The following KLF8 variants were observed in gnomAD, a reference collection of about 807,000 sequenced individuals.
The protein encoded by KLF8 is KLF transcription factor 8, also known as Krueppel-like factor 8.
Under a neutral mutation model 18.2 loss-of-function variants are expected in KLF8, and 10 were observed. The observed-to-expected ratio is 0.55, with a 90% confidence interval of 0.34 to 0.93. The LOEUF (loss-of-function observed/expected upper bound fraction) is 0.93. Among genes scored for constraint, KLF8 ranks in the 40% least tolerant of loss-of-function variants. The pLI is 0.02. For synonymous variants in KLF8, 109 were observed against 97.3 expected, an observed-to-expected ratio of 1.12 and a Z score of -0.71; for missense variants, 264 against 277.9, an observed-to-expected ratio of 0.95 and a Z score of 0.36.
At chrX:56,228,099 A>G, upstream of KLF8, among the ~76,000 whole-genome samples, 1 of 112,213 alleles carries the variant, frequency 8.9e-6, no homozygotes, top group Non-Finnish European at 1.9e-5. Context: ...GAATGTCTCA[A>G]GCAAGCAGTT....
At chrX:56,135,965 CAG>C in the KLF8 span, among the ~76,000 whole-genome samples, 1 of 111,492 alleles carries the variant, frequency 9.0e-6, no homozygotes, top group African/African-American at 3.3e-5. Flanking sequence ...GAAAAACAAA[CAG>C]AGAGCCAAAT....
At chrX:56,083,407 G>T in the KLF8 span, among the ~76,000 whole-genome samples, 1 of 111,692 alleles carries the variant, frequency 9.0e-6, no homozygotes, top group African/African-American at 3.3e-5. Context: ...CCAAAATATT[G>T]TGCTAGCATT....
chrX:55,987,883 G>A, the KLF8 span, among the ~76,000 whole-genome samples: 4 of 111,453 alleles, frequency 3.6e-5, no homozygotes, highest in Non-Finnish European at 5.7e-5. Context: ...ACTTTTTAAC[G>A]ATCGCCATTC....
At position 56,265,480 on chromosome X, in the gene KLF8, G is replaced by A; in HGVS notation, c.382G>A (p.Asp128Asn). 1 of 1,211,911 alleles carries A rather than the reference G, an allele frequency of 8.3e-7. No homozygotes were observed. The highest frequency in any genetic ancestry group is 1.1e-6 in the Non-Finnish European group (1 of 895,545). The change falls in exon 3 of 6, where the codon GAC becomes AAC. Residue 128 changes from aspartate to asparagine, a missense_variant. Asp to Asn is a conservative substitution (Grantham distance 23). Transcript: ENST00000468660. ...QTLVVSTSTS[D>N]MSTSANIPTV... ...CCTTGTGGTGTCCACGTCAACATCT[G>A]ACATGAGCACTTCAGCAAACATTCC...
the KLF8 span, among the ~76,000 whole-genome samples, chrX:56,003,483 C>T: frequency 9.2e-6 from 1 of 109,070 alleles, no homozygotes; most frequent in Non-Finnish European, 1.9e-5. Flanking sequence ...CATTGGGAAG[C>T]TTTTGAAGGA....
At position 56,270,371 on chromosome X, in the gene KLF8, C is replaced by CG. The variant is rs776914698; in HGVS notation, c.898+50_898+51insG. On this transcript the variant is annotated intron_variant, in intron 5 of 5. Coordinates refer to ENST00000468660, the MANE Select transcript of KLF8 (RefSeq NM_007250.5). ...CAACACACACACACACACACACACACACACACACACGAGAGAGAGAGAGAG... is the reference window on the plus strand; with the variant it reads ...CAACACACACACACACACACACACACGACACACACACGAGAGAGAGAGAGAG... 57 of 1,051,842 alleles carry CG rather than the reference C, an allele frequency of 5.4e-5. No individual in the cohort carries two copies. In the Middle Eastern group the frequency reaches 1.1e-3, roughly 20 times the overall value. 86.7% of individuals were successfully genotyped at this position (1,051,842 alleles called of 1,213,427 possible).
the KLF8 span, among the ~76,000 whole-genome samples, chrX:56,118,371 A>G: frequency 8.9e-6 from 1 of 111,893 alleles, no homozygotes; most frequent in Non-Finnish European, 1.9e-5. Flanking sequence ...CCATTAGGCC[A>G]TAAACAACTC....
At chrX:56,033,726 T>C in the KLF8 span, among the ~76,000 whole-genome samples, 2 of 112,042 alleles carry the variant, frequency 1.8e-5, no homozygotes, top group Non-Finnish European at 3.8e-5. Context: ...TTATATTATA[T>C]TGTGGTTTTA....
the KLF8 span, among the ~76,000 whole-genome samples, chrX:56,078,426 T>C: frequency 2.7e-5 from 3 of 112,342 alleles, no homozygotes; most frequent in African/African-American, 9.7e-5. Flanking sequence ...CTGGTTCTGT[T>C]TATATGCTGG....
the KLF8 span, among the ~76,000 whole-genome samples, chrX:56,089,364 G>A: frequency 8.9e-6 from 1 of 111,899 alleles, no homozygotes; most frequent in East Asian, 2.8e-4. Flanking sequence ...GGTGGTACAT[G>A]GCAGTTTATA....
At chrX:55,908,273 T>G in the KLF8 span, 2 of 266,441 alleles carry the variant, frequency 7.5e-6, no homozygotes, top group African/African-American at 2.8e-5. Context: ...CTCAGCTTCA[T>G]AAATCCAGCA....
At chrX:56,144,071 A>C in the KLF8 span, among the ~76,000 whole-genome samples, 2 of 112,239 alleles carry the variant, frequency 1.8e-5, no homozygotes, top group African/African-American at 6.5e-5. Context: ...AAGATTATTC[A>C]ATCAGTAGTG....
At chrX:55,924,268 C>T in the KLF8 span, among the ~76,000 whole-genome samples, 3 of 110,455 alleles carry the variant, frequency 2.7e-5, no homozygotes, top group Admixed American at 1.9e-4. Flanking sequence ...TAGTAGAGAC[C>T]GGGTTTCACT....
At chrX:56,197,844 A>G in the KLF8 span, among the ~76,000 whole-genome samples, 1 of 112,036 alleles carries the variant, frequency 8.9e-6, no homozygotes. Flanking sequence ...CCTCAATAAA[A>G]TACTGGCAAA....
chrX:56,075,467 T>C, the KLF8 span, among the ~76,000 whole-genome samples: 2 of 111,741 alleles, frequency 1.8e-5, no homozygotes, highest in Middle Eastern at 4.7e-3. Flanking sequence ...AATCGCATCA[T>C]GGAACATGAG....
At chrX:56,008,118 CTATATA>C in the KLF8 span, among the ~76,000 whole-genome samples, 19 of 99,815 alleles carry the variant, frequency 1.9e-4, no homozygotes, top group Non-Finnish European at 1.0e-4. Flanking sequence ...TAGTGCAAAG[CTATATA>C]TATATATATA....
chrX:55,963,859 T>C, the KLF8 span, among the ~76,000 whole-genome samples: 1 of 112,011 alleles, frequency 8.9e-6, no homozygotes, highest in Non-Finnish European at 1.9e-5. Flanking sequence ...ATATCAACCA[T>C]GCACTTGGCC....
At chrX:55,959,173 A>C in the KLF8 span, among the ~76,000 whole-genome samples, 1 of 112,399 alleles carries the variant, frequency 8.9e-6, no homozygotes, top group Non-Finnish European at 1.9e-5. Context: ...TGGCTCCATG[A>C]AAGTATCTAG....
chrX:56,200,212 C>T, the KLF8 span, among the ~76,000 whole-genome samples: 4 of 109,483 alleles, frequency 3.7e-5, no homozygotes, highest in Admixed American at 9.8e-5. Context: ...GCACATGTAC[C>T]GTAGAAGTTA....
Sources: allele counts gnomAD v4.1 joint callset (sites outside exome capture counted in the v4.1 genomes callset), GRCh38; gene constraint gnomAD v4.1.1; transcripts MANE v1.5; gene names NCBI Gene and HGNC (gene_info 2026-07-23, HGNC 2026-07-21).